DLAT: variants seen among roughly 807,000 people sequenced by gnomAD.
DLAT encodes the protein dihydrolipoamide S-acetyltransferase.
DLAT carries 43 observed loss-of-function variants against 68.0 expected under a neutral mutation model. The ratio of observed to expected loss-of-function variants is 0.63; its 90% CI spans 0.50 to 0.81. The LOEUF (loss-of-function observed/expected upper bound fraction) is 0.81, where lower values mean the gene tolerates loss of function less well. Among genes scored for constraint, DLAT ranks in the 40% least tolerant of loss-of-function variants. The pLI, the probability that DLAT is intolerant of heterozygous loss-of-function variation, is 0.00. For synonymous variants in DLAT, 265 were observed against 288.6 expected, an observed-to-expected ratio of 0.92 and a Z score of 0.83; for missense variants, 745 against 815.4, an observed-to-expected ratio of 0.91 and a Z score of 1.05.
At chr11:112,059,880 T>C (rs1443985740) in intron 11 of DLAT, 23 bp from the exon 12 acceptor site, 3 of 1,545,688 alleles carry the variant, frequency 1.9e-6, no homozygotes, top group Non-Finnish European at 2.6e-6. Flanking sequence ...TTTTTTATTA[T>C]ATTTATTTTT....
intron 13 of DLAT, 95 bp from the exon 14 acceptor site, chr11:112,062,311 T>G (rs1864683589): frequency 7.6e-7 from 1 of 1,311,168 alleles, no homozygotes; most frequent in African/African-American, 1.4e-5. Context: ...ATTACCTGGT[T>G]GGGATTATAG....
intron 10 of DLAT, among the ~76,000 whole-genome samples, chr11:112,046,241 T>A (rs914785754): frequency 1.2e-4 from 19 of 152,190 alleles, no homozygotes; most frequent in African/African-American, 4.6e-4. Flanking sequence ...AACAGTTTTA[T>A]ACTTTTAGTT....
chr11:112,039,877 G>GA (rs1400485116), intron 7 of DLAT, among the ~76,000 whole-genome samples: 1 of 152,082 alleles, frequency 6.6e-6, no homozygotes, highest in Non-Finnish European at 1.5e-5. Flanking sequence ...TGCCGCCAAA[G>GA]AAAAAATATA....
chr11:112,055,262 GA>G (rs1340249085), intron 11 of DLAT, among the ~76,000 whole-genome samples: 3 of 11,706 alleles, frequency 2.6e-4, no homozygotes, highest in African/African-American at 4.4e-4. Context: ...TTTTTTTTTT[GA>G]GATGGAGTCC....
At chr11:112,059,834 C>A in intron 11 of DLAT, 69 bp from the exon 12 acceptor site, 2 of 1,355,838 alleles carry the variant, frequency 1.5e-6, no homozygotes, top group Non-Finnish European at 2.0e-6. Context: ...TATAAATATT[C>A]TTGCTTAACC....
intron 4 of DLAT, chr11:112,032,562 G>A (rs1342941451): frequency 3.3e-5 from 5 of 151,654 alleles, no homozygotes; most frequent in Admixed American, 6.6e-5. Flanking sequence ...TCTCTATATC[G>A]TTCCAATTTT....
rs1555180635 is a variant in DLAT, at chr11:112,037,446, C to G, written c.961C>G (p.Pro321Ala). ...VTDLKPQVPP[P>A]TPPPVAAVPP... ...AGATTTAAAACCACAAGTGCCACCA[C>G]CTACCCCACCCCCGGTAGGTATGCT... The change falls in exon 6 of 14, where the codon CCT becomes GCT. Residue 321 changes from proline to alanine, a missense_variant. Coordinates refer to ENST00000280346, the MANE Select transcript of DLAT (RefSeq NM_001931.5). The G allele has an allele frequency of 6.2e-7, 1 of 1,613,882 alleles. No homozygotes were observed. Among genetic ancestry groups the G allele is most frequent in the Admixed American group, 1.7e-5 (1 of 60,028 alleles).
Position 112,033,527 on chromosome 11 carries a change from A to G in DLAT, c.784A>G (p.Ile262Val). ...LAEIETDKAT[I>V]GFEVQEEGYL... Reference sequence around the variant, plus strand: ...AGAGATAGAAACTGACAAAGCCACTATAGGTGAGATTTCTTCAGCTCTTAA... The same window carrying G: ...AGAGATAGAAACTGACAAAGCCACTGTAGGTGAGATTTCTTCAGCTCTTAA... Residue 262 changes from isoleucine (I) to valine (V), a missense_variant, in exon 5 of 14, where the codon ATA becomes GTA. Transcript: ENST00000280346. The G allele has an allele frequency of 6.2e-7, 1 of 1,613,628 alleles. No individual in the cohort carries two copies. Among genetic ancestry groups the G allele is most frequent in the Non-Finnish European group, 8.5e-7 (1 of 1,179,720 alleles).
intron 13 of DLAT, 167 bp downstream of exon 13, chr11:112,061,341 A>G: frequency 1.5e-6 from 1 of 687,240 alleles, no homozygotes; most frequent in African/African-American, 1.8e-5. Context: ...TAACCTACAC[A>G]CATTATTCTG....
Position 112,028,620 on chromosome 11 carries a change from A to C in DLAT, c.487A>C (p.Ile163Leu), listed in dbSNP as rs200786104. The change falls in exon 3 of 14, where the codon ATC becomes CTC. Residue 163 changes from isoleucine (I) to leucine (L), a missense_variant. Transcript: ENST00000280346. ...GTRDVPIGAI[I>L]CITVGKPEDI... ...CAGGGATGTTCCCATCGGAGCGATCATCTGTATCACAGTTGGCAAGTGAGT... is the reference window on the plus strand; with the variant it reads ...CAGGGATGTTCCCATCGGAGCGATCCTCTGTATCACAGTTGGCAAGTGAGT... 6.2e-7 allele frequency: 1 copy of C among 1,614,202 alleles called. No homozygotes were observed. The highest frequency in any genetic ancestry group is 2.2e-5 in the East Asian group (1 of 44,888).
At chr11:112,052,239 C>T (rs941563098) in intron 11 of DLAT, among the ~76,000 whole-genome samples, 2 of 152,092 alleles carry the variant, frequency 1.3e-5, no homozygotes, top group Non-Finnish European at 2.9e-5. Flanking sequence ...AGGGTTTCCC[C>T]ACACACCAAC....
At chr11:112,059,065 A>G (rs1387221516) in intron 11 of DLAT, among the ~76,000 whole-genome samples, 1 of 151,724 alleles carries the variant, frequency 6.6e-6, no homozygotes, top group African/African-American at 2.4e-5. Context: ...AAAAAAAAAA[A>G]GATTGGGACC....
intron 4 of DLAT, among the ~76,000 whole-genome samples, chr11:112,033,106 A>G (rs1178078259): frequency 1.3e-5 from 2 of 152,182 alleles, no homozygotes; most frequent in African/African-American, 4.8e-5. Context: ...GATGCTCCAT[A>G]CTTAGATGTT....
In DLAT at chr11:112,050,273, C is replaced by T. The variant is rs1157398323; in HGVS notation, c.1399-961C>T. 4.0e-5 allele frequency among the ~76,000 whole-genome samples: 6 copies of T among 149,440 alleles called. No homozygotes were observed. In the Middle Eastern group the frequency reaches 0.014, roughly 351 times the overall value. On this transcript the variant is annotated intron_variant, in intron 10 of 13. Coordinates refer to ENST00000280346, the MANE Select transcript of DLAT (RefSeq NM_001931.5). ...TATATTGCTGGATTTTATTTGCTAG[C>T]GTTTTGTTGAAGATTTTTACATCTA...
chr11:112,028,311 C>G (rs587650222), intron 2 of DLAT, among the ~76,000 whole-genome samples: 4 of 150,494 alleles, frequency 2.7e-5, no homozygotes, highest in Admixed American at 6.7e-5. Flanking sequence ...CCCAGCTACT[C>G]GGGAGGCTGA....
intron 11 of DLAT, among the ~76,000 whole-genome samples, chr11:112,058,712 A>G (rs1371162166): frequency 6.6e-6 from 1 of 151,784 alleles, no homozygotes; most frequent in Non-Finnish European, 1.5e-5. Context: ...AAATGTTAAC[A>G]GTACTTGTGT....
chr11:112,028,863 C>T lies in DLAT; in HGVS notation c.578C>T (p.Pro193Leu). The T allele has an allele frequency of 1.2e-6, 2 of 1,614,194 alleles. No homozygotes were observed. Among genetic ancestry groups the T allele is most frequent in the South Asian group, 2.2e-5 (2 of 91,084 alleles). ...SSAAPTPQAA[P>L]APTPAATASP... The stretch of plus-strand genomic sequence containing the variant: ...GCAGCACCTACCCCACAAGCGGCCC[C>T]AGCACCAACCCCTGCTGCCACTGCT... The change falls in exon 4 of 14, where the codon CCA becomes CTA. Residue 193 changes from proline (P) to leucine (L), a missense_variant. Pro to Leu is a moderately conservative substitution (Grantham distance 98). Coordinates refer to ENST00000280346, the MANE Select transcript of DLAT (RefSeq NM_001931.5).
intron 11 of DLAT, among the ~76,000 whole-genome samples, chr11:112,054,123 A>G (rs1357486060): frequency 6.6e-6 from 1 of 151,868 alleles, no homozygotes; most frequent in African/African-American, 2.4e-5. Context: ...AGCCTGGCCA[A>G]CATGGTGAAA....
At position 112,045,987 on chromosome 11, in the gene DLAT, T is replaced by A; in HGVS notation, c.1398+17T>A. 1.4e-6 allele frequency: 2 copies of A among 1,454,552 alleles called. No homozygotes were observed. The highest frequency in any genetic ancestry group is 1.9e-6 in the Non-Finnish European group (2 of 1,037,352). The allele number at this position is 1,454,552 out of a possible 1,614,324, so 90.1% of individuals were successfully genotyped here. A position where few individuals can be genotyped will look rare whatever the true frequency, so the allele number is the denominator to read the frequency against. ...CTTAATAAGGTAAAAGTTCTGAAAA[T>A]TCCAACTTTCTAAGTTATAAAAATT... On this transcript the variant is annotated intron_variant, in intron 10 of 13. Coordinates refer to ENST00000280346, the MANE Select transcript of DLAT (RefSeq NM_001931.5).
Sources: gnomAD v4.1 joint callset for allele counts (sites outside exome capture counted in the v4.1 genomes callset) on GRCh38, gnomAD v4.1.1 for gene constraint, MANE v1.5 for transcripts, NCBI Gene and HGNC (gene_info 2026-07-23, HGNC 2026-07-21) for gene names.